FANCB: variants seen among roughly 807,000 people sequenced by gnomAD.
FANCB encodes FA complementation group B.
Under a neutral mutation model 38.9 loss-of-function variants are expected in FANCB, and 5 were observed. That is an observed-to-expected ratio of 0.13 (90% CI 0.07 to 0.27). The LOEUF is 0.27. Among genes scored for constraint, FANCB ranks in the 10% least tolerant of loss-of-function variants. The pLI, the probability that FANCB is intolerant of heterozygous loss-of-function variation, is 1.00. For synonymous variants in FANCB, 236 were observed against 215.4 expected, an observed-to-expected ratio of 1.10 and a Z score of -0.84; for missense variants, 573 against 602.7, an observed-to-expected ratio of 0.95 and a Z score of 0.52.
chrX:14,786,306 T>C, the FANCB span, among the ~76,000 whole-genome samples: 1 of 110,839 alleles, frequency 9.0e-6, no homozygotes, highest in Non-Finnish European at 1.9e-5. Context: ...CAGTCCTAAA[T>C]GAAAACCCGG....
chrX:14,842,129 G>A (rs927460433), downstream of FANCB, among the ~76,000 whole-genome samples: 4 of 111,498 alleles, frequency 3.6e-5, no homozygotes, highest in Admixed American at 9.5e-5. Flanking sequence ...AGATTTCTAC[G>A]ATTAATCCTG....
chrX:14,786,168 G>A, the FANCB span, among the ~76,000 whole-genome samples: 1 of 111,116 alleles, frequency 9.0e-6, no homozygotes, highest in Admixed American at 9.6e-5. Context: ...CTTTCTCTGG[G>A]GAAATCAGGT....
At chrX:14,834,501 T>C (rs2092335848), downstream of FANCB, 14 of 504,731 alleles carry the variant, frequency 2.8e-5, no homozygotes, top group South Asian at 2.8e-4. Flanking sequence ...GCCAGAGATC[T>C]TGAATAGCCT....
In FANCB at chrX:14,843,987, A is replaced by G. The variant is rs1288528901; in HGVS notation, c.2166-6T>C. On this transcript the variant is annotated splice_region_variant and splice_polypyrimidine_tract_variant and intron_variant, in intron 9 of 9. Coordinates refer to ENST00000650831, the MANE Select transcript of FANCB (RefSeq NM_001018113.3). ...GGAACATAACTGTTTGATTCCTAAA[A>G]TAAAAAAACAAACAAAATATTACAA... 2.5e-6 allele frequency: 3 copies of G among 1,199,260 alleles called. No individual in the cohort carries two copies. Among genetic ancestry groups the G allele is most frequent in the Non-Finnish European group, 3.4e-6 (3 of 885,378 alleles).
chrX:14,701,134 A>C, the FANCB span, among the ~76,000 whole-genome samples: 1 of 110,875 alleles, frequency 9.0e-6, no homozygotes, highest in Non-Finnish European at 1.9e-5. Context: ...GTGACAGAGT[A>C]GGAGGTGTGA....
chrX:14,846,462 G>C (rs771226224), intron 7 of FANCB, among the ~76,000 whole-genome samples: 1 of 111,555 alleles, frequency 9.0e-6, no homozygotes, highest in Admixed American at 9.5e-5. Context: ...ATGAGAAGAG[G>C]TTTCTCTTTA....
At chrX:14,701,752 A>G in the FANCB span, among the ~76,000 whole-genome samples, 159 of 112,874 alleles carry the variant, frequency 1.4e-3, no homozygotes, top group Non-Finnish European at 1.9e-3. Context: ...TTATATTTCT[A>G]TAGTTACCAA....
At chrX:14,765,967 C>T in the FANCB span, among the ~76,000 whole-genome samples, 1 of 111,802 alleles carries the variant, frequency 8.9e-6, no homozygotes, top group Non-Finnish European at 1.9e-5. Flanking sequence ...TCTCCCCCCT[C>T]TCCCAGGCGA....
the FANCB span, among the ~76,000 whole-genome samples, chrX:14,722,157 C>T: frequency 2.0e-4 from 22 of 112,235 alleles, 1 homozygote; most frequent in African/African-American, 7.1e-4. Context: ...AGTTCATTAT[C>T]TCTCACACTT....
chrX:14,838,152 G>A, intron 10 of FANCB, among the ~76,000 whole-genome samples: 1 of 111,946 alleles, frequency 8.9e-6, no homozygotes, highest in Middle Eastern at 4.6e-3. Flanking sequence ...AGGATCACAT[G>A]GGCTACACAT....
chrX:14,808,723 A>G, the FANCB span, among the ~76,000 whole-genome samples: 1 of 112,337 alleles, frequency 8.9e-6, no homozygotes, highest in Non-Finnish European at 1.9e-5. Context: ...GAGCAATCAG[A>G]CAAGATAAAG....
At chrX:14,704,328 C>T in the FANCB span, among the ~76,000 whole-genome samples, 6 of 112,382 alleles carry the variant, frequency 5.3e-5, no homozygotes, top group Non-Finnish European at 1.1e-4. Context: ...CTTCTTCTTT[C>T]ACTATCTAGC....
At chrX:14,821,714 T>C in the FANCB span, among the ~76,000 whole-genome samples, 1 of 111,587 alleles carries the variant, frequency 9.0e-6, no homozygotes, top group African/African-American at 3.3e-5. Flanking sequence ...CTGAAGCCAA[T>C]AGGCATCAAG....
At chrX:14,768,276 T>G in the FANCB span, among the ~76,000 whole-genome samples, 2 of 112,370 alleles carry the variant, frequency 1.8e-5, no homozygotes, top group Non-Finnish European at 3.8e-5. Flanking sequence ...ATTATATTGA[T>G]TTTTCCTATC....
chrX:14,859,141 A>G, intron 4 of FANCB, 41 bp downstream of exon 4: 1 of 984,910 alleles, frequency 1.0e-6, no homozygotes, highest in Non-Finnish European at 1.4e-6. Context: ...ATTTTCTAAA[A>G]TGGTTCTTAA....
the FANCB span, among the ~76,000 whole-genome samples, chrX:14,810,596 C>T: frequency 4.5e-5 from 5 of 110,759 alleles, no homozygotes; most frequent in East Asian, 2.8e-4. Flanking sequence ...TGAAATGAAG[C>T]GAGAAGGGAA....
chrX:14,817,641 C>A, the FANCB span, among the ~76,000 whole-genome samples: 1 of 111,516 alleles, frequency 9.0e-6, no homozygotes, highest in Non-Finnish European at 1.9e-5. Flanking sequence ...ACATTGTCAG[C>A]GCATAATAAC....
intron 2 of FANCB, among the ~76,000 whole-genome samples, chrX:14,866,375 TA>T (rs2092469956): frequency 8.9e-6 from 1 of 112,128 alleles, no homozygotes; most frequent in Admixed American, 9.4e-5. Flanking sequence ...TTAATTCTAA[TA>T]ACTATTGTCT....
chrX:14,828,978 G>A, the FANCB span, among the ~76,000 whole-genome samples: 1 of 111,630 alleles, frequency 9.0e-6, no homozygotes, highest in African/African-American at 3.3e-5. Context: ...CCAAAGTGTT[G>A]GGATTACAGG....
Sources: allele counts gnomAD v4.1 joint callset (sites outside exome capture counted in the v4.1 genomes callset), GRCh38; gene constraint gnomAD v4.1.1; transcripts MANE v1.5; gene names NCBI Gene and HGNC (gene_info 2026-07-23, HGNC 2026-07-21).